INSYN2B: variants seen among roughly 807,000 people sequenced by gnomAD.
INSYN2B encodes the protein protein INSYN2B.
Under a neutral mutation model 41.2 loss-of-function variants are expected in INSYN2B, and 16 were observed. The observed-to-expected ratio is 0.39, with a 90% CI of 0.26 to 0.59. The LOEUF (loss-of-function observed/expected upper bound fraction) is 0.59, where lower values mean the gene tolerates loss of function less well. Ranked by LOEUF, INSYN2B falls within the 20% of genes least tolerant of loss-of-function variation. The pLI, the probability that INSYN2B is intolerant of heterozygous loss-of-function variation, is 0.57. For missense variants in INSYN2B, 608 were observed against 646.4 expected, an observed-to-expected ratio of 0.94 and a Z score of 0.64; for synonymous variants, 245 against 244.4, an observed-to-expected ratio of 1.00 and a Z score of -0.02.
chr5:169,925,098 A>G (rs1775364094), intron 1 of INSYN2B, among the ~76,000 whole-genome samples: 1 of 151,530 alleles, frequency 6.6e-6, no homozygotes, highest in Non-Finnish European at 1.5e-5. Context: ...TTCACTATCC[A>G]CCCCAACCCC....
chr5:169,926,468 T>C (rs1775463428), intron 1 of INSYN2B, among the ~76,000 whole-genome samples: 1 of 152,208 alleles, frequency 6.6e-6, no homozygotes, highest in Admixed American at 6.5e-5. Context: ...TGCATTGATC[T>C]TCTGTGAGCT....
chr5:169,921,359 G>T (rs1302475955), intron 1 of INSYN2B, among the ~76,000 whole-genome samples: 1 of 152,158 alleles, frequency 6.6e-6, no homozygotes, highest in East Asian at 1.9e-4. Flanking sequence ...CTATGTTATT[G>T]TTCTTTCTCA....
intron 3 of INSYN2B, among the ~76,000 whole-genome samples, chr5:169,872,422 A>G (rs1772037980): frequency 6.6e-6 from 1 of 152,206 alleles, no homozygotes; most frequent in Non-Finnish European, 1.5e-5. Context: ...ACTTTCTCCT[A>G]ATGACAAGTT....
At chr5:169,903,180 G>A (rs1774042067) in intron 1 of INSYN2B, among the ~76,000 whole-genome samples, 1 of 151,924 alleles carries the variant, frequency 6.6e-6, no homozygotes, top group Non-Finnish European at 1.5e-5. Context: ...GGGAAGCTGA[G>A]GTGGGAGGAT....
intron 1 of INSYN2B, among the ~76,000 whole-genome samples, chr5:169,936,675 C>G (rs1345743491): frequency 6.6e-6 from 1 of 150,576 alleles, no homozygotes; most frequent in East Asian, 2.0e-4. Context: ...TAGCATTCCC[C>G]AGAGAGCAAA....
At chr5:169,891,206 A>G (rs1773259186) in intron 1 of INSYN2B, among the ~76,000 whole-genome samples, 1 of 152,020 alleles carries the variant, frequency 6.6e-6, no homozygotes, top group Non-Finnish European at 1.5e-5. Flanking sequence ...CTCTTTCCCC[A>G]GATCCTTCCA....
chr5:169,904,846 G>T (rs963852143), intron 1 of INSYN2B, among the ~76,000 whole-genome samples: 2 of 152,154 alleles, frequency 1.3e-5, no homozygotes, highest in Admixed American at 6.5e-5. Flanking sequence ...GGGAGGGCCT[G>T]CCCAGAAGAC....
At chr5:169,877,351 C>G (rs1268364115) in intron 3 of INSYN2B, among the ~76,000 whole-genome samples, 1 of 152,138 alleles carries the variant, frequency 6.6e-6, no homozygotes, top group Non-Finnish European at 1.5e-5. Context: ...AGACCTGTGT[C>G]AAAAAGGTCA....
intron 1 of INSYN2B, among the ~76,000 whole-genome samples, chr5:169,898,034 G>A (rs1011576656): frequency 6.6e-6 from 1 of 152,214 alleles, no homozygotes; most frequent in Non-Finnish European, 1.5e-5. Flanking sequence ...TAATTCGGCT[G>A]AGCAATTGTG....
At chr5:169,976,243 C>T (rs995126581) in intron 1 of INSYN2B, among the ~76,000 whole-genome samples, 2 of 152,124 alleles carry the variant, frequency 1.3e-5, no homozygotes, top group African/African-American at 2.4e-5. Flanking sequence ...ATGTGGAAGA[C>T]GTGGCGGGTT....
intron 1 of INSYN2B, among the ~76,000 whole-genome samples, chr5:169,897,603 G>T: frequency 6.6e-6 from 1 of 152,190 alleles, no homozygotes; most frequent in East Asian, 1.9e-4. Flanking sequence ...TATTTCCAGA[G>T]ACAGAACCAC....
At position 169,878,512 on chromosome 5, in the gene INSYN2B, G is replaced by T. The variant is rs190198905; in HGVS notation, c.1421+2856C>A. Among the ~76,000 whole-genome samples the T allele has an allele frequency of 2.0e-5, 3 of 152,298 alleles. No homozygotes were observed. In the East Asian group the frequency reaches 5.8e-4, roughly 29 times the overall value. ...TATTCTAGCTAGATAACTATTGCTT[G>T]CTCAGGGCTGTGAAACTGAGACCTG... On this transcript the variant is annotated intron_variant, in intron 3 of 3. Coordinates refer to ENST00000377365, the MANE Select transcript of INSYN2B (RefSeq NM_001129891.3).
intron 1 of INSYN2B, among the ~76,000 whole-genome samples, chr5:169,955,632 A>G (rs1356771231): frequency 6.6e-6 from 1 of 152,222 alleles, no homozygotes; most frequent in Non-Finnish European, 1.5e-5. Context: ...ATGAAGCAGT[A>G]TCATGCAGGA....
chr5:169,895,574 G>A lies in INSYN2B; in HGVS notation c.-918-10758C>T, dbSNP rs561803044. ...GGATCACACTCCCTAAAGCTCCTTCGGTGCCCCATGCTTTCACCCTGACTC... is the reference window on the plus strand; with the variant it reads ...GGATCACACTCCCTAAAGCTCCTTCAGTGCCCCATGCTTTCACCCTGACTC... On this transcript the variant is annotated intron_variant, in intron 1 of 3. Transcript: ENST00000377365. Among the ~76,000 whole-genome samples the A allele has an allele frequency of 3.3e-5, 5 of 151,496 alleles. No individual in the cohort carries two copies. In the South Asian group the frequency reaches 6.3e-4, roughly 19 times the overall value.
At chr5:169,903,144 G>T (rs1176386494) in intron 1 of INSYN2B, among the ~76,000 whole-genome samples, 2 of 151,682 alleles carry the variant, frequency 1.3e-5, no homozygotes, top group Non-Finnish European at 2.9e-5. Context: ...GGTGGTCATG[G>T]TGCATATCTG....
chr5:169,927,053 A>G (rs1038364996), intron 1 of INSYN2B, among the ~76,000 whole-genome samples: 3 of 152,210 alleles, frequency 2.0e-5, no homozygotes, highest in African/African-American at 7.2e-5. Context: ...AGGGTGCCAG[A>G]CCAATATGGT....
At position 169,886,145 on chromosome 5, in the gene INSYN2B, T is replaced by C. The variant is rs529240770; in HGVS notation, c.-918-1329A>G. Among the ~76,000 whole-genome samples, 4 of 152,278 alleles carry C rather than the reference T, an allele frequency of 2.6e-5. No individual in the cohort carries two copies. In the South Asian group the frequency reaches 8.3e-4, roughly 32 times the overall value. ...AAAAACCCCTCTTTTTCTTTATAAA[T>C]TACACAGTCTCTGGTATGTCTTTAT... On this transcript the variant is annotated intron_variant, in intron 1 of 3. Coordinates refer to ENST00000377365, the MANE Select transcript of INSYN2B (RefSeq NM_001129891.3).
chr5:169,898,819 T>TAGCAA (rs1773760269), intron 1 of INSYN2B, among the ~76,000 whole-genome samples: 1 of 152,122 alleles, frequency 6.6e-6, no homozygotes, highest in Non-Finnish European at 1.5e-5. Context: ...CCCAAACAGG[T>TAGCAA]AGCAGGCAAG....
chr5:169,967,896 G>A (rs1427162273), intron 1 of INSYN2B, among the ~76,000 whole-genome samples: 1 of 152,158 alleles, frequency 6.6e-6, no homozygotes, highest in Non-Finnish European at 1.5e-5. Flanking sequence ...AGAAAGGGTG[G>A]AACAAAGGAC....
Sources: allele counts gnomAD v4.1 joint callset (sites outside exome capture counted in the v4.1 genomes callset), GRCh38; gene constraint gnomAD v4.1.1; transcripts MANE v1.5; gene names NCBI Gene and HGNC (gene_info 2026-07-23, HGNC 2026-07-21).